The following HERC4 variants were observed in gnomAD, a reference collection of about 807,000 sequenced individuals.
HERC4 encodes probable E3 ubiquitin-protein ligase HERC4.
HERC4 carries 28 observed loss-of-function variants against 124.3 expected under a neutral mutation model. The observed-to-expected ratio is 0.23, with a 90% CI of 0.17 to 0.31. HERC4 has a LOEUF of 0.31. Ranked by LOEUF, HERC4 falls within the 10% of genes least tolerant of loss-of-function variation. The pLI is 1.00. For synonymous variants in HERC4, 407 were observed against 421.5 expected, an observed-to-expected ratio of 0.97 and a Z score of 0.42; for missense variants, 713 against 1,229.3, an observed-to-expected ratio of 0.58 and a Z score of 6.28.
Position 68,072,980 on chromosome 10 carries a change from G to A in HERC4, c.129C>T (p.Leu43=), listed in dbSNP as rs758723483. 3.7e-6 allele frequency: 6 copies of A among 1,613,996 alleles called. No homozygotes were observed. The highest frequency in any genetic ancestry group is 5.1e-6 in the Non-Finnish European group (6 of 1,179,914). The part of the protein sequence containing the change: ...NKRVRDVGCG[L]RHTVFVLDDG... The stretch of plus-strand genomic sequence containing the variant: ...CATCCAGAACAAACACAGTATGTCT[G>A]AGTCCACATCCTACATCTCGGACCC... Residue 43 remains leucine (L), a synonymous_variant, in exon 3 of 25, where the codon CTC becomes CTT. Transcript: ENST00000373700.
chr10:67,976,789 C>T (rs2035616873), intron 15 of HERC4, among the ~76,000 whole-genome samples: 1 of 152,288 alleles, frequency 6.6e-6, no homozygotes, highest in South Asian at 2.1e-4. Flanking sequence ...CAGCACTGCC[C>T]TGTTACAGCA....
At chr10:68,021,956 T>C (rs918351449) in intron 8 of HERC4, among the ~76,000 whole-genome samples, 3 of 151,728 alleles carry the variant, frequency 2.0e-5, no homozygotes, top group Non-Finnish European at 4.4e-5. Flanking sequence ...AGCAGGAGGA[T>C]ACAAAATCTA....
At chr10:68,016,032 G>A (rs2133155784) in intron 8 of HERC4, among the ~76,000 whole-genome samples, 1 of 152,272 alleles carries the variant, frequency 6.6e-6, no homozygotes, top group Middle Eastern at 3.4e-3. Context: ...GAACCTGGAA[G>A]GCAGAGGTTG....
At chr10:68,038,014 A>T in intron 5 of HERC4, 79 bp downstream of exon 5, 1 of 774,396 alleles carries the variant, frequency 1.3e-6, no homozygotes, top group Non-Finnish European at 2.1e-6. Context: ...AGATGAGCAA[A>T]GCTGGAGAAC....
rs2040816048 is a variant in HERC4, at chr10:68,059,665, ATATT to A, written c.226+13214_226+13217del. On this transcript the variant is annotated intron_variant, in intron 3 of 24. Coordinates refer to ENST00000373700, the MANE Select transcript of HERC4 (RefSeq NM_015601.4). The stretch of plus-strand genomic sequence containing the variant: ...TATATTATATTATATATCATATTAT[ATATT>A]ATATTATATATCATAATATTATATA... Among the ~76,000 whole-genome samples, 7 of 67,786 alleles carry A rather than the reference ATATT, an allele frequency of 1.0e-4. 1 individual carries two copies. The highest frequency in any genetic ancestry group is 5.5e-4 in the African/African-American group (5 of 9,066). The allele number at this position is 67,786 out of a possible 152,430, so 44.5% of individuals were successfully genotyped here.
chr10:68,046,746 C>A (rs878857315), intron 3 of HERC4, among the ~76,000 whole-genome samples: 1 of 152,320 alleles, frequency 6.6e-6, no homozygotes, highest in East Asian at 1.9e-4. Flanking sequence ...GTGGGAGGAT[C>A]ACTTGAACCC....
chr10:67,939,228 A>C (rs1010524965), intron 21 of HERC4, among the ~76,000 whole-genome samples: 3 of 152,184 alleles, frequency 2.0e-5, no homozygotes, highest in Admixed American at 2.0e-4. Flanking sequence ...GTAATTGCAG[A>C]CTCAAAAATG....
At chr10:67,945,220 A>G (rs1285330471) in intron 19 of HERC4, among the ~76,000 whole-genome samples, 1 of 152,182 alleles carries the variant, frequency 6.6e-6, no homozygotes, top group Non-Finnish European at 1.5e-5. Flanking sequence ...GAAAAGAAAC[A>G]ACATACAGTG....
At chr10:67,966,523 A>G (rs2034874759) in intron 16 of HERC4, 160 bp downstream of exon 16, 1 of 573,610 alleles carries the variant, frequency 1.7e-6, no homozygotes, top group East Asian at 3.5e-5. Context: ...TAAATATTGT[A>G]AAATATATAG....
chr10:67,969,306 G>A (rs562690367), intron 15 of HERC4, among the ~76,000 whole-genome samples: 2 of 152,256 alleles, frequency 1.3e-5, no homozygotes, highest in South Asian at 2.1e-4. Flanking sequence ...TGTCATATAA[G>A]CAGAAGTAAT....
chr10:67,991,187 TC>T lies in HERC4; in HGVS notation c.1283del (p.Gly428GlufsTer9). On this transcript the variant is annotated frameshift_variant, in exon 12 of 25. Coordinates refer to ENST00000373700, the MANE Select transcript of HERC4 (RefSeq NM_015601.4). LOFTEE classifies it high-confidence loss of function. ...TTAGGCAACCAGAGGAAGAAAACGT[TC>T]CATCTATCTCACTAAAAAATTTAAA... ...FPVEIANEID[G>X]TFSSSGCLNG... 1 of 1,535,468 alleles carries T rather than the reference TC, an allele frequency of 6.5e-7. No individual in the cohort carries two copies. The highest frequency in any genetic ancestry group is 8.8e-7 in the Non-Finnish European group (1 of 1,140,436).
intron 16 of HERC4, among the ~76,000 whole-genome samples, chr10:67,964,136 A>G (rs180950525): frequency 2.9e-4 from 41 of 140,490 alleles, no homozygotes; most frequent in East Asian, 2.4e-3. Context: ...GAACTTCGTC[A>G]AAGTATTGCC....
rs140522508 is a variant in HERC4 at position 68,072,765 on chromosome 10, T to C, written c.226+118A>G. The C allele has an allele frequency of 1.3e-3, 850 of 650,030 alleles. 5 individuals are homozygous for C. In the African/African-American group the frequency reaches 0.014, roughly 11 times the overall value. The allele number at this position is 650,030 out of a possible 1,614,324, so 40.3% of individuals were successfully genotyped here. ...ACATATAATGGAAATACATAACTTCTACTTTGCTTTTAAAGCTTGATAAAC... is the reference window on the plus strand; with the variant it reads ...ACATATAATGGAAATACATAACTTCCACTTTGCTTTTAAAGCTTGATAAAC... On this transcript the variant is annotated intron_variant, in intron 3 of 24. Transcript: ENST00000373700.
At chr10:67,990,039 A>G (rs1045145669) in intron 14 of HERC4, among the ~76,000 whole-genome samples, 172 bp downstream of exon 14, 1 of 152,098 alleles carries the variant, frequency 6.6e-6, no homozygotes, top group Non-Finnish European at 1.5e-5. Flanking sequence ...AACAACTCCA[A>G]CAACTAGAAT....
At chr10:68,001,133 C>T (rs960121696) in intron 9 of HERC4, among the ~76,000 whole-genome samples, 19 of 152,048 alleles carry the variant, frequency 1.2e-4, no homozygotes, top group African/African-American at 3.1e-4. Context: ...CACTTTGGGA[C>T]GTCAAGGCAG....
intron 9 of HERC4, chr10:68,010,976 T>G (rs1374929946): frequency 1.2e-6 from 1 of 867,124 alleles, no homozygotes; most frequent in African/African-American, 1.7e-5. Context: ...TATCTATAGT[T>G]AAGTTCTTCG....
chr10:67,927,901 G>A (rs1322379090), intron 23 of HERC4, among the ~76,000 whole-genome samples: 2 of 152,078 alleles, frequency 1.3e-5, no homozygotes, highest in African/African-American at 4.8e-5. Context: ...TGGGGGGAAG[G>A]AGCAACCTAA....
intron 3 of HERC4, chr10:68,070,665 T>C (rs1215070463): frequency 5.3e-5 from 8 of 152,058 alleles, no homozygotes; most frequent in Admixed American, 2.6e-4. Context: ...AAAGCTGAGA[T>C]TAAAAGATGA....
At chr10:68,046,417 A>G (rs2040014302) in intron 3 of HERC4, among the ~76,000 whole-genome samples, 1 of 152,224 alleles carries the variant, frequency 6.6e-6, no homozygotes, top group African/African-American at 2.4e-5. Context: ...CCAAATGTCA[A>G]TGTAAAGTCA....
Sources: gnomAD v4.1 joint callset for allele counts (sites outside exome capture counted in the v4.1 genomes callset) on GRCh38, gnomAD v4.1.1 for gene constraint, MANE v1.5 for transcripts, NCBI Gene and HGNC (gene_info 2026-07-23, HGNC 2026-07-21) for gene names.